The following CRYBB2 variants were observed in gnomAD, a reference collection of about 807,000 sequenced individuals.
The protein encoded by CRYBB2 is beta-crystallin B2.
Under a neutral mutation model 24.3 loss-of-function variants are expected in CRYBB2, and 12 were observed. That is an observed-to-expected ratio of 0.49 (90% confidence interval 0.32 to 0.80). CRYBB2 has a LOEUF of 0.80. Ranked by LOEUF, CRYBB2 falls within the 30% of genes least tolerant of loss-of-function variation. The pLI is 0.04. For missense variants in CRYBB2, 198 were observed against 268.5 expected, an observed-to-expected ratio of 0.74 and a Z score of 1.83; for synonymous variants, 98 against 101.6, an observed-to-expected ratio of 0.96 and a Z score of 0.21.
intron 2 of CRYBB2, among the ~76,000 whole-genome samples, chr22:25,222,801 T>C (rs1165898428): frequency 6.6e-6 from 1 of 152,244 alleles, no homozygotes; most frequent in Non-Finnish European, 1.5e-5. Flanking sequence ...TATTACATTT[T>C]ATGAAACCCA....
chr22:25,223,115 G>C (rs1935349676), intron 2 of CRYBB2, among the ~76,000 whole-genome samples: 1 of 152,144 alleles, frequency 6.6e-6, no homozygotes, highest in South Asian at 2.1e-4. Context: ...GCTTTCAAAT[G>C]CATGGAGAAA....
upstream of CRYBB2, among the ~76,000 whole-genome samples, chr22:25,218,771 GAGAGAGAGAAGAAAGA>G (rs1569016200): frequency 4.5e-4 from 8 of 17,618 alleles, no homozygotes; most frequent in African/African-American, 2.1e-3. Context: ...GAGAGAGAGA[GAGAGAGAGAAGAAAGA>G]AAGAAAGAAA....
chr22:25,231,705 T>C lies in CRYBB2; in HGVS notation c.551T>C (p.Val184Ala). The change falls in exon 6 of 6, where the codon GTG becomes GCG. Residue 184 changes from valine to alanine, a missense_variant. Physicochemically the swap from Val to Ala is moderately conservative, Grantham distance 64. Transcript: ENST00000398215. ...SSDFGAPHPQ[V>A]QSVRRIRDMQ... ...GACTTTGGGGCCCCTCACCCCCAGG[T>C]GCAGTCCGTGCGCCGTATCCGCGAC... The C allele has an allele frequency of 6.2e-7, 1 of 1,614,096 alleles. No homozygotes were observed. The highest frequency in any genetic ancestry group is 8.5e-7 in the Non-Finnish European group (1 of 1,180,010).
At chr22:25,229,667 A>C in intron 5 of CRYBB2, 89 bp downstream of exon 5, 2 of 1,567,158 alleles carry the variant, frequency 1.3e-6, no homozygotes, top group Non-Finnish European at 1.7e-6. Context: ...CACGCTGGTG[A>C]TCTTGCACAC....
chr22:25,216,938 T>C (rs1465795405), upstream of CRYBB2, among the ~76,000 whole-genome samples: 5 of 152,244 alleles, frequency 3.3e-5, no homozygotes, highest in African/African-American at 1.2e-4. Context: ...CCTCATCATG[T>C]TGGAGTCAGA....
At chr22:25,222,120 G>A (rs755779753) in intron 2 of CRYBB2, among the ~76,000 whole-genome samples, 11 of 152,088 alleles carry the variant, frequency 7.2e-5, no homozygotes, top group African/African-American at 1.2e-4. Context: ...ATCTAGGCAC[G>A]GCCACCTGAC....
chr22:25,227,739 C>A, intron 3 of CRYBB2, 114 bp from the exon 4 acceptor site: 2 of 1,580,976 alleles, frequency 1.3e-6, no homozygotes, highest in Non-Finnish European at 1.7e-6. Flanking sequence ...GCTATTACAT[C>A]TTGCCGGGCT....
At chr22:25,218,707 G>A (rs12159969), upstream of CRYBB2, among the ~76,000 whole-genome samples, 285 of 24,970 alleles carry the variant, frequency 0.011, 23 homozygotes, top group East Asian at 0.016. Flanking sequence ...AGAGAGAGGG[G>A]GAGAGAGAGA....
chr22:25,217,852 T>C (rs1388413979), upstream of CRYBB2, among the ~76,000 whole-genome samples: 2 of 152,154 alleles, frequency 1.3e-5, no homozygotes, highest in South Asian at 2.1e-4. Flanking sequence ...TGCATGCATA[T>C]GTGCATTAAG....
At chr22:25,216,453 C>G (rs553044359), upstream of CRYBB2, among the ~76,000 whole-genome samples, 8 of 152,258 alleles carry the variant, frequency 5.3e-5, no homozygotes, top group South Asian at 1.5e-3. Context: ...GATGCACCTC[C>G]CATCCAAGGA....
chr22:25,219,892 G>A (rs1255334298), intron 1 of CRYBB2, among the ~76,000 whole-genome samples: 3 of 152,118 alleles, frequency 2.0e-5, no homozygotes, highest in African/African-American at 4.8e-5. Context: ...GGCACACAGT[G>A]GGCATTGGGG....
chr22:25,214,275 C>T (rs944218210), intron 1 of CRYBB2, among the ~76,000 whole-genome samples: 6 of 152,202 alleles, frequency 3.9e-5, no homozygotes, highest in African/African-American at 1.4e-4. Flanking sequence ...CAGTTGGAGC[C>T]TGCATTGAGC....
chr22:25,231,802 A>G lies in CRYBB2; in HGVS notation c.*30A>G. ...CTCCCCACCATGCCTCCTTCCCAGG[A>G]CCCAGGTCTGCTGCCCAGGAACCCT... is the stretch of plus-strand genomic sequence containing the variant. On this transcript the variant is annotated 3_prime_UTR_variant, in exon 6 of 6. Transcript: ENST00000398215. 7 of 1,610,650 alleles carry G rather than the reference A, an allele frequency of 4.3e-6. No homozygotes were observed. The highest frequency in any genetic ancestry group is 5.9e-6 in the Non-Finnish European group (7 of 1,177,020).
intron 1 of CRYBB2, among the ~76,000 whole-genome samples, chr22:25,221,149 C>T (rs994945818): frequency 6.6e-6 from 1 of 152,194 alleles, no homozygotes; most frequent in Non-Finnish European, 1.5e-5. Context: ...CTCATTTAAG[C>T]TCTAGTTTAT....
intron 2 of CRYBB2, among the ~76,000 whole-genome samples, chr22:25,224,070 G>A (rs1601420031): frequency 6.7e-6 from 1 of 150,188 alleles, no homozygotes; most frequent in African/African-American, 2.5e-5. Flanking sequence ...CTTGCAGTGA[G>A]CCGAGATCGC....
intron 3 of CRYBB2, 131 bp downstream of exon 3, chr22:25,225,167 G>A (rs1935390210): frequency 1.4e-6 from 1 of 737,396 alleles, no homozygotes; most frequent in Admixed American, 1.9e-5. Context: ...AGCCTATGGA[G>A]ATAATTCATG....
At chr22:25,229,031 CGTGCGTGTGTGCAAGTGTGGT>C (rs982986076) in intron 4 of CRYBB2, among the ~76,000 whole-genome samples, 3 of 143,408 alleles carry the variant, frequency 2.1e-5, no homozygotes, top group African/African-American at 2.6e-5. Context: ...CACGTGTGTG[CGTGCGTGTGTGCAAGTGTGGT>C]GTGCGTGTGT....
chr22:25,216,207 A>T (rs796831665), upstream of CRYBB2, among the ~76,000 whole-genome samples: 4 of 152,242 alleles, frequency 2.6e-5, no homozygotes, highest in African/African-American at 9.6e-5. Flanking sequence ...TCCATAAAAG[A>T]TATTCCAAAG....
chr22:25,218,779 G>GAGAGAGAGAGAAGAAAGAAAGA (rs1935251085), upstream of CRYBB2, among the ~76,000 whole-genome samples: 1 of 34,532 alleles, frequency 2.9e-5, no homozygotes, highest in Non-Finnish European at 5.3e-5. Flanking sequence ...GAGAGAGAGA[G>GAGAGAGAGAGAAGAAAGAAAGA]AAGAAAGAAA....
Sources: allele counts gnomAD v4.1 joint callset (sites outside exome capture counted in the v4.1 genomes callset), GRCh38; gene constraint gnomAD v4.1.1; transcripts MANE v1.5; gene names NCBI Gene and HGNC (gene_info 2026-07-23, HGNC 2026-07-21).